VPS54: variants seen among roughly 807,000 people sequenced by gnomAD.
The protein encoded by VPS54 is VPS54 subunit of GARP complex, also known as vacuolar protein sorting-associated protein 54.
VPS54 carries 45 observed loss-of-function variants against 121.5 expected under a neutral mutation model. The ratio of observed to expected loss-of-function variants is 0.37; its 90% confidence interval spans 0.29 to 0.47. VPS54 has a LOEUF of 0.47. VPS54 is among the 20% of genes least tolerant of loss of function. The pLI is 0.99. For missense variants in VPS54, 1,090 were observed against 1,131.4 expected (o/e 0.96, Z 0.52); for synonymous variants, 371 against 385.8 (o/e 0.96, Z 0.45).
intron 12 of VPS54, among the ~76,000 whole-genome samples, chr2:63,925,506 G>A (rs1280945007): frequency 6.6e-6 from 1 of 152,168 alleles, no homozygotes; most frequent in Non-Finnish European, 1.5e-5. Flanking sequence ...TTTGTTTCCA[G>A]GTATATATTC....
chr2:63,944,146 C>G (rs981067781), intron 10 of VPS54, among the ~76,000 whole-genome samples: 56 of 152,112 alleles, frequency 3.7e-4, no homozygotes, highest in African/African-American at 1.3e-3. Context: ...TACATAGCTA[C>G]AAATTTAAAC....
intron 4 of VPS54, among the ~76,000 whole-genome samples, chr2:63,970,202 AATATAT>A (rs560705872): frequency 2.2e-4 from 13 of 58,800 alleles, no homozygotes; most frequent in Non-Finnish European, 2.7e-4. Context: ...ATTAAAAAAA[AATATAT>A]ATATACACAC....
intron 3 of VPS54, among the ~76,000 whole-genome samples, chr2:63,980,182 A>C (rs1676743432): frequency 1.3e-5 from 2 of 152,120 alleles, no homozygotes; most frequent in Admixed American, 6.5e-5. Flanking sequence ...TGGTTAGCTG[A>C]CCCTTTTATC....
chr2:63,973,185 C>G (rs1676365020), intron 3 of VPS54, among the ~76,000 whole-genome samples: 1 of 152,166 alleles, frequency 6.6e-6, no homozygotes, highest in Non-Finnish European at 1.5e-5. Context: ...ACATCCTTGT[C>G]AACATTTGGT....
chr2:63,905,767 C>T (rs908008723), intron 20 of VPS54, among the ~76,000 whole-genome samples: 2 of 152,030 alleles, frequency 1.3e-5, no homozygotes, highest in African/African-American at 4.8e-5. Flanking sequence ...CTTCATAATA[C>T]CCCTCCACCA....
rs1672300080 is a variant in VPS54 at position 63,893,271 on chromosome 2, G to A, written c.*159C>T. The A allele has an allele frequency of 1.3e-6, 1 of 749,840 alleles. No individual in the cohort carries two copies. The highest frequency in any genetic ancestry group is 1.7e-5 in the African/African-American group (1 of 58,870). 46.4% of individuals were successfully genotyped at this position (749,840 alleles called of 1,614,324 possible). ...AATGACATTCCTTGTAGATCCCACT[G>A]AATCCAGTTTCCCAACACTTGATAC... On this transcript the variant is annotated 3_prime_UTR_variant, in exon 23 of 23. Transcript: ENST00000272322.
At chr2:63,981,948 T>C (rs1033663619) in intron 2 of VPS54, 61 bp from the exon 3 acceptor site, 1 of 1,521,424 alleles carries the variant, frequency 6.6e-7, no homozygotes, top group South Asian at 1.3e-5. Context: ...TGTTTGAAAG[T>C]ACACACTAGA....
At chr2:64,018,895 G>A (rs1009709565) in intron 1 of VPS54, 43 bp downstream of exon 1, 6 of 151,014 alleles carry the variant, frequency 4.0e-5, no homozygotes, top group East Asian at 3.9e-4. Flanking sequence ...AGGTCGGGGT[G>A]AGAGTGGGCT....
intron 1 of VPS54, among the ~76,000 whole-genome samples, chr2:63,997,205 A>C (rs1444275706): frequency 6.6e-6 from 1 of 152,058 alleles, no homozygotes; most frequent in Non-Finnish European, 1.5e-5. Flanking sequence ...TATCAGGGTA[A>C]TACTGCCCTC....
intron 12 of VPS54, among the ~76,000 whole-genome samples, chr2:63,929,566 G>A (rs1674083237): frequency 6.6e-6 from 1 of 152,052 alleles, no homozygotes; most frequent in Admixed American, 6.6e-5. Context: ...GAAAGCAGGA[G>A]AGATCTAAAA....
chr2:63,993,686 T>C (rs1677437715), intron 1 of VPS54, among the ~76,000 whole-genome samples: 1 of 152,250 alleles, frequency 6.6e-6, no homozygotes, highest in Admixed American at 6.5e-5. Flanking sequence ...GCAAATTCAC[T>C]TGACTGATTT....
intron 7 of VPS54, among the ~76,000 whole-genome samples, chr2:63,951,187 G>A (rs1217214261): frequency 1.3e-5 from 2 of 149,272 alleles, no homozygotes; most frequent in Non-Finnish European, 3.0e-5. Context: ...TAGCTGGAGT[G>A]AGGACTTCAC....
intron 3 of VPS54, among the ~76,000 whole-genome samples, chr2:63,973,040 G>A: frequency 6.6e-6 from 1 of 152,082 alleles, no homozygotes. Context: ...GTGAAGTGTG[G>A]TAACAAGAAA....
chr2:63,907,395 G>A (rs4482470), intron 20 of VPS54, among the ~76,000 whole-genome samples: 26,310 of 151,608 alleles, frequency 0.17, 3,063 homozygotes, highest in Non-Finnish European at 0.24. Flanking sequence ...GTGCATGCCC[G>A]TAATCCCAGT....
At chr2:64,012,838 C>G (rs1357493253) in intron 1 of VPS54, among the ~76,000 whole-genome samples, 1 of 152,184 alleles carries the variant, frequency 6.6e-6, no homozygotes, top group Non-Finnish European at 1.5e-5. Flanking sequence ...TGTCTTCCAT[C>G]TTCACCATTT....
chr2:64,018,786 T>C (rs1346665076), intron 1 of VPS54, among the ~76,000 whole-genome samples, 152 bp downstream of exon 1: 1 of 140,980 alleles, frequency 7.1e-6, no homozygotes, highest in Non-Finnish European at 1.5e-5. Flanking sequence ...GAGAGGAGCA[T>C]GGAAGCTTCA....
chr2:63,946,525 A>G (rs756087236), intron 9 of VPS54, among the ~76,000 whole-genome samples: 1 of 152,100 alleles, frequency 6.6e-6, no homozygotes, highest in African/African-American at 2.4e-5. Context: ...AGAGGGGATG[A>G]TTATAATTTT....
chr2:63,940,729 A>G (rs1198887549), intron 11 of VPS54, among the ~76,000 whole-genome samples: 2 of 143,332 alleles, frequency 1.4e-5, no homozygotes, highest in Non-Finnish European at 3.1e-5. Flanking sequence ...CTGTACTTCA[A>G]AAAATTTCTG....
chr2:63,916,728 A>G (rs1673395463), intron 16 of VPS54, among the ~76,000 whole-genome samples, 172 bp downstream of exon 16: 1 of 152,160 alleles, frequency 6.6e-6, no homozygotes, highest in African/African-American at 2.4e-5. Context: ...GAGAGAAGAT[A>G]AAGAAATCCA....
Sources: allele counts gnomAD v4.1 joint callset (sites outside exome capture counted in the v4.1 genomes callset), GRCh38; gene constraint gnomAD v4.1.1; transcripts MANE v1.5; gene names NCBI Gene and HGNC (gene_info 2026-07-23, HGNC 2026-07-21).